Variants in ABCE1 observed in about 807,000 individuals in gnomAD.
ABCE1 encodes the protein ATP binding cassette subfamily E member 1.
In ABCE1, 22 loss-of-function variants were observed where a neutral mutation model predicts 83.4. That is an observed-to-expected ratio of 0.26 (90% CI 0.19 to 0.38). ABCE1 has a LOEUF of 0.38. Ranked by LOEUF, ABCE1 falls within the 10% of genes least tolerant of loss-of-function variation. The pLI is 1.00. For synonymous variants in ABCE1, 204 were observed against 233.7 expected, an observed-to-expected ratio of 0.87 and a Z score of 1.16; for missense variants, 330 against 721.9, an observed-to-expected ratio of 0.46 and a Z score of 6.22.
chr4:145,122,059 T>C (rs1749761732), intron 13 of ABCE1: 1 of 152,216 alleles, frequency 6.6e-6, no homozygotes, highest in Admixed American at 6.5e-5. Context: ...TAAAGAACTC[T>C]TATAATTAAA....
At chr4:145,109,432 T>C (rs371757081) in intron 5 of ABCE1, among the ~76,000 whole-genome samples, 183 bp downstream of exon 5, 2 of 152,248 alleles carry the variant, frequency 1.3e-5, no homozygotes, top group African/African-American at 4.8e-5. Context: ...GTTACTTAAC[T>C]GAAAATTCTG....
In ABCE1 at chr4:145,127,671, A is replaced by G; in HGVS notation, c.*98A>G. 1.1e-6 allele frequency: 1 copy of G among 881,202 alleles called. No homozygotes were observed. The highest frequency in any genetic ancestry group is 2.0e-5 in the South Asian group (1 of 50,716). The allele number at this position is 881,202 out of a possible 1,614,324, so 54.6% of individuals were successfully genotyped here. ...TGAATCAGGATTTTATGCCCCACATACTCTGGAACTTGAAGTATAATATAC... is the reference window on the plus strand; with the variant it reads ...TGAATCAGGATTTTATGCCCCACATGCTCTGGAACTTGAAGTATAATATAC... On this transcript the variant is annotated 3_prime_UTR_variant, in exon 18 of 18. Transcript: ENST00000296577.
At chr4:145,102,212 C>T (rs892705614) in intron 1 of ABCE1, among the ~76,000 whole-genome samples, 4 of 152,018 alleles carry the variant, frequency 2.6e-5, no homozygotes, top group Non-Finnish European at 5.9e-5. Flanking sequence ...AATGATGGCT[C>T]GAAAAGTTTT....
At chr4:145,103,249 AAAAAT>A (rs1212812056) in intron 1 of ABCE1, among the ~76,000 whole-genome samples, 9 of 152,230 alleles carry the variant, frequency 5.9e-5, no homozygotes, top group East Asian at 3.8e-4. Context: ...GTCTATTAAA[AAAAAT>A]AAAATAAAAT....
At chr4:145,127,472 T>C (rs1749920163) in intron 17 of ABCE1, 54 bp from the exon 18 acceptor site, 1 of 1,471,344 alleles carries the variant, frequency 6.8e-7, no homozygotes, top group Non-Finnish European at 9.3e-7. Flanking sequence ...AGTCTACTTT[T>C]ACCTATAGTA....
chr4:145,112,476 C>G, intron 9 of ABCE1, 148 bp downstream of exon 9: 1 of 628,936 alleles, frequency 1.6e-6, no homozygotes, highest in Non-Finnish European at 2.7e-6. Flanking sequence ...CTTTCTTTAC[C>G]TAGAACAGAG....
intron 1 of ABCE1, 118 bp downstream of exon 1, chr4:145,098,537 C>CGCGTGGCAGCGGTTCCT: frequency 6.6e-6 from 1 of 152,356 alleles, no homozygotes; most frequent in Non-Finnish European, 1.5e-5. Context: ...ACAGCAGCAG[C>CGCGTGGCAGCGGTTCCT]GCGTGGCAGC....
At chr4:145,123,626 A>G (rs748480490) in intron 16 of ABCE1, 26 bp downstream of exon 16, 1 of 1,551,294 alleles carries the variant, frequency 6.4e-7, no homozygotes, top group African/African-American at 1.4e-5. Context: ...AATATGTTCA[A>G]AGTAATTCAT....
At chr4:145,114,867 T>G (rs1749571225) in intron 9 of ABCE1, among the ~76,000 whole-genome samples, 2 of 151,940 alleles carry the variant, frequency 1.3e-5, no homozygotes, top group Non-Finnish European at 2.9e-5. Context: ...AGTGATAGAT[T>G]GATGATAAAG....
At chr4:145,102,856 A>G (rs1286696770) in intron 1 of ABCE1, among the ~76,000 whole-genome samples, 1 of 152,104 alleles carries the variant, frequency 6.6e-6, no homozygotes, top group Non-Finnish European at 1.5e-5. Context: ...AAGGATTGCA[A>G]TTACTGGTAA....
chr4:145,118,420 T>G (rs1171087182), intron 10 of ABCE1, among the ~76,000 whole-genome samples: 1 of 151,764 alleles, frequency 6.6e-6, no homozygotes, highest in Non-Finnish European at 1.5e-5. Flanking sequence ...TGGTTGTAAC[T>G]TACCTACTTA....
chr4:145,127,562 T>C lies in ABCE1; in HGVS notation c.1789T>C (p.Leu597=). The change falls in exon 18 of 18, where the codon TTG becomes CTG. Residue 597 remains leucine (L), a synonymous_variant. Transcript: ENST00000296577. ...EQKKSGNYFF[L]DD ...AAAGAAGAGTGGAAACTACTTTTTC[T>C]TGGATGATTAGACTGACTCTGAGAA... The C allele has an allele frequency of 6.4e-7, 1 of 1,574,686 alleles. No homozygotes were observed. Among genetic ancestry groups the C allele is most frequent in the Non-Finnish European group, 8.6e-7 (1 of 1,167,552 alleles).
rs367797107 is a variant in ABCE1, at chr4:145,104,397, A to G, written c.-16A>G. 151 of 1,550,268 alleles carry G rather than the reference A, an allele frequency of 9.7e-5. No individual in the cohort carries two copies. In the African/African-American group the frequency reaches 2.0e-3, roughly 21 times the overall value. On this transcript the variant is annotated 5_prime_UTR_variant, in exon 2 of 18. It adds an upstream start codon to the 5' untranslated region. Coordinates refer to ENST00000296577, the MANE Select transcript of ABCE1 (RefSeq NM_002940.3). Reference sequence around the variant, plus strand: ...TTTTTCTTTCATAGAAGAGCTGGATATTCTTTCGCCCAGTTATGGCAGACA... The same window carrying G: ...TTTTTCTTTCATAGAAGAGCTGGATGTTCTTTCGCCCAGTTATGGCAGACA...
chr4:145,105,545 A>G, intron 2 of ABCE1, 60 bp from the exon 3 acceptor site: 2 of 1,248,384 alleles, frequency 1.6e-6, no homozygotes, highest in Non-Finnish European at 2.3e-6. Flanking sequence ...CCTAAATAAC[A>G]GTGTTCGGAA....
intron 8 of ABCE1, 104 bp downstream of exon 8, chr4:145,111,168 G>A (rs1349294075): frequency 1.4e-5 from 10 of 694,742 alleles, no homozygotes; most frequent in African/African-American, 1.3e-4. Context: ...AATAGAAATA[G>A]TATCTAAGTT....
intron 5 of ABCE1, among the ~76,000 whole-genome samples, chr4:145,109,559 A>G (rs1000415472): frequency 4.6e-5 from 7 of 152,162 alleles, no homozygotes; most frequent in Admixed American, 1.3e-4. Flanking sequence ...GTTGCAGTCA[A>G]TAGTTTGATT....
intron 1 of ABCE1, 167 bp downstream of exon 1, chr4:145,098,586 G>C (rs560558926): frequency 5.9e-5 from 9 of 152,330 alleles, no homozygotes; most frequent in African/African-American, 2.2e-4. Flanking sequence ...GAGCGCGGGC[G>C]ACGCCGAGAG....
At position 145,110,358 on chromosome 4, in the gene ABCE1, T is replaced by C; in HGVS notation, c.544-17T>C. ...TATTGAAAGAAAATAGTAACTGTTT[T>C]TGGTATATTGTGGCAGGGGACAGTG... On this transcript the variant is annotated splice_polypyrimidine_tract_variant and intron_variant, in intron 6 of 17. Coordinates refer to ENST00000296577, the MANE Select transcript of ABCE1 (RefSeq NM_002940.3). The C allele has an allele frequency of 6.2e-7, 1 of 1,610,992 alleles. No homozygotes were observed. Among genetic ancestry groups the C allele is most frequent in the Non-Finnish European group, 8.5e-7 (1 of 1,178,934 alleles).
chr4:145,105,218 C>T (rs376150093), intron 2 of ABCE1, among the ~76,000 whole-genome samples: 1 of 151,964 alleles, frequency 6.6e-6, no homozygotes, highest in South Asian at 2.1e-4. Context: ...TACAATAGTT[C>T]ATTCGTTTAA....
Sources: gnomAD v4.1 joint callset for allele counts (sites outside exome capture counted in the v4.1 genomes callset) on GRCh38, gnomAD v4.1.1 for gene constraint, MANE v1.5 for transcripts, NCBI Gene and HGNC (gene_info 2026-07-23, HGNC 2026-07-21) for gene names.